The following NTN1 variants were observed in gnomAD, a reference collection of about 807,000 sequenced individuals.
NTN1 encodes netrin-1.
NTN1 carries 11 observed loss-of-function variants against 54.2 expected under a neutral mutation model. The ratio of observed to expected loss-of-function variants is 0.20; its 90% CI spans 0.13 to 0.34. The LOEUF (loss-of-function observed/expected upper bound fraction) is 0.34. Ranked by LOEUF, NTN1 falls within the 10% of genes least tolerant of loss-of-function variation. The probability of loss-of-function intolerance (pLI) is 1.00; values close to 1 mark genes in which losing one functional copy is unlikely to be tolerated. For missense variants in NTN1, 740 were observed against 893.1 expected, an observed-to-expected ratio of 0.83 and a Z score of 2.18; for synonymous variants, 371 against 382.0, an observed-to-expected ratio of 0.97 and a Z score of 0.33.
At chr17:9,096,016 T>C (rs1003806183) in intron 2 of NTN1, among the ~76,000 whole-genome samples, 2 of 152,084 alleles carry the variant, frequency 1.3e-5, no homozygotes, top group Non-Finnish European at 2.9e-5. Flanking sequence ...ACGCTGGTCT[T>C]GAACGCCTGA....
chr17:9,103,570 C>T (rs1453743447), intron 2 of NTN1, among the ~76,000 whole-genome samples: 4 of 152,170 alleles, frequency 2.6e-5, no homozygotes, highest in African/African-American at 9.6e-5. Context: ...TTGTAAGTTT[C>T]CTGAAGCCTC....
At position 9,170,192 on chromosome 17, in the gene NTN1, T is replaced by C. The variant is rs140261911; in HGVS notation, c.1207+7191T>C. 1.1e-3 allele frequency among the ~76,000 whole-genome samples: 168 copies of C among 152,342 alleles called. 1 individual carries two copies. Among genetic ancestry groups the C allele is most frequent in the African/African-American group, 3.7e-3 (154 of 41,576 alleles). ...CATTTACTCTCAGTAGCCTCAGCTT[T>C]CTTATCTGCAAATGGGAAGAATAGT... On this transcript the variant is annotated intron_variant, in intron 3 of 6. Coordinates refer to ENST00000173229, the MANE Select transcript of NTN1 (RefSeq NM_004822.3).
chr17:9,015,926 T>C, the NTN1 span, among the ~76,000 whole-genome samples: 1 of 151,666 alleles, frequency 6.6e-6, no homozygotes, highest in Admixed American at 6.6e-5. Context: ...CAAAAAAAAT[T>C]AGCCAGGCAT....
intron 2 of NTN1, among the ~76,000 whole-genome samples, chr17:9,023,597 C>G (rs1269972929): frequency 6.6e-6 from 1 of 152,280 alleles, no homozygotes; most frequent in African/African-American, 2.4e-5. Flanking sequence ...GCCCAGTGCT[C>G]TCTGCGAAGC....
chr17:9,092,151 A>C (rs2092113244), intron 2 of NTN1, among the ~76,000 whole-genome samples: 1 of 151,390 alleles, frequency 6.6e-6, no homozygotes, highest in Admixed American at 6.6e-5. Context: ...CGGCCTCCCA[A>C]AGTGCTGAGA....
At chr17:9,016,402 C>A in the NTN1 span, among the ~76,000 whole-genome samples, 1 of 152,152 alleles carries the variant, frequency 6.6e-6, no homozygotes, top group Non-Finnish European at 1.5e-5. Flanking sequence ...GCTGTTCCAC[C>A]TCTGGAATCC....
chr17:9,077,695 A>G (rs1453369656), intron 2 of NTN1, among the ~76,000 whole-genome samples: 1 of 152,210 alleles, frequency 6.6e-6, no homozygotes, highest in Non-Finnish European at 1.5e-5. Flanking sequence ...TATCCAGGAA[A>G]ATTGGAAAGG....
At chr17:9,231,990 C>T (rs1260739607) in intron 6 of NTN1, among the ~76,000 whole-genome samples, 1 of 152,134 alleles carries the variant, frequency 6.6e-6, no homozygotes, top group Non-Finnish European at 1.5e-5. Context: ...CTCACCGATG[C>T]CTTTGTTCAG....
At chr17:9,021,379 C>T (rs2091846663), upstream of NTN1, among the ~76,000 whole-genome samples, 1 of 151,910 alleles carries the variant, frequency 6.6e-6, no homozygotes, top group Non-Finnish European at 1.5e-5. Flanking sequence ...GCGTCCGGGC[C>T]GGTTCCCTTT....
intron 2 of NTN1, among the ~76,000 whole-genome samples, chr17:9,144,440 C>G (rs1192153071): frequency 3.3e-5 from 5 of 152,176 alleles, no homozygotes; most frequent in Non-Finnish European, 5.9e-5. Flanking sequence ...CACCCAAGGT[C>G]AAGTGCACAG....
chr17:9,238,592 T>C (rs943498746), intron 6 of NTN1, among the ~76,000 whole-genome samples: 1 of 152,178 alleles, frequency 6.6e-6, no homozygotes, highest in Non-Finnish European at 1.5e-5. Flanking sequence ...ACCAAAGGGT[T>C]CTGCAGTCAC....
intron 2 of NTN1, among the ~76,000 whole-genome samples, chr17:9,105,331 C>G (rs1161057536): frequency 6.6e-6 from 1 of 152,156 alleles, no homozygotes; most frequent in Non-Finnish European, 1.5e-5. Flanking sequence ...CATTAGGTGT[C>G]CTGTCACCTC....
intron 4 of NTN1, among the ~76,000 whole-genome samples, chr17:9,182,135 G>A (rs1209916216): frequency 6.6e-6 from 1 of 152,050 alleles, no homozygotes; most frequent in African/African-American, 2.4e-5. Flanking sequence ...GTGCCACCAC[G>A]CCTGGCTGAT....
intron 2 of NTN1, among the ~76,000 whole-genome samples, chr17:9,122,968 C>G (rs1052394257): frequency 6.6e-6 from 1 of 152,080 alleles, no homozygotes; most frequent in African/African-American, 2.4e-5. Context: ...TGCTGTTTTT[C>G]AGGTTTTTTC....
intron 5 of NTN1, among the ~76,000 whole-genome samples, chr17:9,209,499 G>A (rs1013475088): frequency 6.6e-6 from 1 of 152,242 alleles, no homozygotes; most frequent in Non-Finnish European, 1.5e-5. Context: ...AGGAAGGCAG[G>A]CCTTGGCCCT....
chr17:9,035,120 G>A lies in NTN1; in HGVS notation c.1018+11729G>A, dbSNP rs371088117. Among the ~76,000 whole-genome samples, 34 of 152,022 alleles carry A rather than the reference G, an allele frequency of 2.2e-4. No homozygotes were observed. In the East Asian group the frequency reaches 3.3e-3, roughly 15 times the overall value. On this transcript the variant is annotated intron_variant, in intron 2 of 6. Transcript: ENST00000173229. ...CGCCACCACACCCGGCTAATTTTTTGTATTTTTAGTAGAGACGGGGTTTCA... is the reference window on the plus strand; with the variant it reads ...CGCCACCACACCCGGCTAATTTTTTATATTTTTAGTAGAGACGGGGTTTCA...
intron 3 of NTN1, chr17:9,173,016 A>G (rs2092391469): frequency 6.6e-6 from 1 of 152,200 alleles, no homozygotes; most frequent in African/African-American, 2.4e-5. Context: ...AGCAATAAGA[A>G]GAAACTCCTT....
chr17:9,012,537 A>AAAC, the NTN1 span, among the ~76,000 whole-genome samples: 1 of 25,200 alleles, frequency 4.0e-5, no homozygotes, highest in Non-Finnish European at 7.6e-5. Context: ...AAAACAAAAC[A>AAAC]AAAAAAAAAA....
intron 5 of NTN1, among the ~76,000 whole-genome samples, chr17:9,202,546 G>A (rs751278957): frequency 6.6e-6 from 1 of 152,158 alleles, no homozygotes; most frequent in Admixed American, 6.5e-5. Context: ...AGCAGAATTT[G>A]GTCTTGCCGG....
Sources: gnomAD v4.1 joint callset for allele counts (sites outside exome capture counted in the v4.1 genomes callset) on GRCh38, gnomAD v4.1.1 for gene constraint, MANE v1.5 for transcripts, NCBI Gene and HGNC (gene_info 2026-07-23, HGNC 2026-07-21) for gene names.